Variants in PHF24 observed in about 807,000 individuals in gnomAD.
PHF24 encodes PHD finger protein 24, also known as Galpha inhibitory interacting protein.
Under a neutral mutation model 42.6 loss-of-function variants are expected in PHF24, and 25 were observed. The observed-to-expected ratio is 0.59, with a 90% confidence interval of 0.43 to 0.82. The LOEUF (loss-of-function observed/expected upper bound fraction) is 0.82. Among genes scored for constraint, PHF24 ranks in the 40% least tolerant of loss-of-function variants. The pLI is 0.00. For synonymous variants in PHF24, 185 were observed against 204.8 expected (o/e 0.90, Z 0.83); for missense variants, 470 against 538.1 (o/e 0.87, Z 1.25).
chr9:34,758,270 T>G, the PHF24 span, among the ~76,000 whole-genome samples: 1 of 152,166 alleles, frequency 6.6e-6, no homozygotes, highest in Admixed American at 6.5e-5. This position sits in a 1 kb window ranked among gnomAD's most constrained non-coding sequence, Gnocchi z 4.4. Flanking sequence ...TGGGGCCTGT[T>G]TCTCAGGCTC....
chr9:34,803,827 G>A, the PHF24 span, among the ~76,000 whole-genome samples: 4 of 152,202 alleles, frequency 2.6e-5, no homozygotes, highest in East Asian at 7.7e-4. Flanking sequence ...CTAAATATAG[G>A]CCTCAGCAAT....
the PHF24 span, among the ~76,000 whole-genome samples, chr9:34,846,315 A>G: frequency 4.0e-5 from 6 of 151,756 alleles, no homozygotes; most frequent in Admixed American, 6.6e-5. Flanking sequence ...ATGGTATCTC[A>G]TTGTGGTTTT....
chr9:34,802,245 A>G, the PHF24 span, among the ~76,000 whole-genome samples: 6 of 152,120 alleles, frequency 3.9e-5, no homozygotes, highest in Non-Finnish European at 8.8e-5. Flanking sequence ...TGTGGTTCTC[A>G]TTCAGCTGCC....
chr9:34,806,008 G>A, the PHF24 span, among the ~76,000 whole-genome samples: 15 of 152,134 alleles, frequency 9.9e-5, no homozygotes, highest in Non-Finnish European at 1.5e-4. Context: ...TGGTAGCCTT[G>A]TTGAAACTTA....
chr9:34,964,527 A>G (rs940493036), intron 1 of PHF24, among the ~76,000 whole-genome samples: 2 of 152,176 alleles, frequency 1.3e-5, no homozygotes, highest in Non-Finnish European at 2.9e-5. Context: ...AGTGCTGGGA[A>G]ATAGAGGCTC....
the PHF24 span, among the ~76,000 whole-genome samples, chr9:34,878,670 G>T: frequency 6.6e-6 from 1 of 152,212 alleles, no homozygotes; most frequent in Non-Finnish European, 1.5e-5. Flanking sequence ...CTGGGGGAGG[G>T]GCGTCCGCCA....
the PHF24 span, among the ~76,000 whole-genome samples, chr9:34,886,487 T>C: frequency 3.3e-5 from 5 of 152,316 alleles, no homozygotes; most frequent in African/African-American, 9.6e-5. Flanking sequence ...CGCATCTTAA[T>C]TGACTGATTG....
the PHF24 span, among the ~76,000 whole-genome samples, chr9:34,897,985 C>A: frequency 6.6e-6 from 1 of 152,144 alleles, no homozygotes; most frequent in African/African-American, 2.4e-5. Flanking sequence ...TCATCCAGGT[C>A]GCTGCAAATG....
In PHF24 at chr9:34,977,526, C is replaced by T. The variant is rs765147203; in HGVS notation, c.1011-20C>T. 40 of 1,595,206 alleles carry T rather than the reference C, an allele frequency of 2.5e-5. No individual in the cohort carries two copies. The highest frequency in any genetic ancestry group is 1.7e-4 in the Middle Eastern group (1 of 6,060). The stretch of plus-strand genomic sequence containing the variant: ...CATTTCACTATCCCACTCCTAACCA[C>T]GTGTCCTCATGCCCAGCAGCATCAG... On this transcript the variant is annotated intron_variant, in intron 6 of 7. Transcript: ENST00000242315.
At chr9:34,666,136 G>C in the PHF24 span, 20 of 175,386 alleles carry the variant, frequency 1.1e-4, no homozygotes, top group Non-Finnish European at 1.7e-4. Context: ...TCCCAGAGGA[G>C]GCGGAGTCGA....
the PHF24 span, chr9:34,681,224 A>T: frequency 6.6e-6 from 1 of 152,226 alleles, no homozygotes. Flanking sequence ...CTTGGTATGC[A>T]TGGGGAATAG....
chr9:34,668,752 C>G, the PHF24 span, among the ~76,000 whole-genome samples: 1 of 152,178 alleles, frequency 6.6e-6, no homozygotes, highest in African/African-American at 2.4e-5. Flanking sequence ...AGATCTTTAC[C>G]TTAAAACAGT....
At chr9:34,740,312 C>A in the PHF24 span, among the ~76,000 whole-genome samples, 1 of 152,218 alleles carries the variant, frequency 6.6e-6, no homozygotes, top group Non-Finnish European at 1.5e-5. Flanking sequence ...GAGGCTTGGG[C>A]CGCCCAGGAG....
the PHF24 span, among the ~76,000 whole-genome samples, chr9:34,779,945 C>T: frequency 9.6e-4 from 146 of 152,150 alleles, 1 homozygote; most frequent in Middle Eastern, 3.4e-3. Context: ...AGGCTGGTCT[C>T]GAACTTCTGA....
the PHF24 span, chr9:34,709,545 G>A: frequency 6.2e-7 from 1 of 1,614,106 alleles, no homozygotes; most frequent in East Asian, 2.2e-5. Flanking sequence ...AGTCTTGGAG[G>A]CCCCCCTGTC....
chr9:34,690,424 C>CTCTG, the PHF24 span: 1 of 572,118 alleles, frequency 1.7e-6, no homozygotes, highest in Non-Finnish European at 2.9e-6. Flanking sequence ...TTGAGGACAC[C>CTCTG]TGTGTGTGTG....
At chr9:34,780,290 CTTTTTTTCTTT>C in the PHF24 span, among the ~76,000 whole-genome samples, 1 of 113,952 alleles carries the variant, frequency 8.8e-6, no homozygotes, top group Non-Finnish European at 1.8e-5. Flanking sequence ...TCTTTTTTTT[CTTTTTTTCTTT>C]TTTTTTTTTT....
chr9:34,943,362 C>T, the PHF24 span, among the ~76,000 whole-genome samples: 6 of 152,204 alleles, frequency 3.9e-5, no homozygotes, highest in East Asian at 3.8e-4. Context: ...ATGAGGGTTA[C>T]TCTAATATCT....
chr9:34,687,601 G>T, the PHF24 span, among the ~76,000 whole-genome samples: 2 of 152,182 alleles, frequency 1.3e-5, no homozygotes, highest in African/African-American at 4.8e-5. Context: ...GCGTCCAGGG[G>T]CCCCTATCCT....
Sources: allele counts gnomAD v4.1 joint callset (sites outside exome capture counted in the v4.1 genomes callset), GRCh38; gene constraint gnomAD v4.1.1; non-coding constraint Gnocchi (gnomAD v3.1); transcripts MANE v1.5; gene names NCBI Gene and HGNC (gene_info 2026-07-23, HGNC 2026-07-21).